Variants in C17orf113 observed in about 807,000 individuals in gnomAD.
C17orf113 encodes uncharacterized protein C17orf113.
A neutral mutation model predicts 11.6 loss-of-function variants in C17orf113; 5 were observed. The observed-to-expected ratio is 0.43, with a 90% CI of 0.23 to 0.91. The LOEUF (loss-of-function observed/expected upper bound fraction) is 0.91, where lower values mean the gene tolerates loss of function less well. Ranked by LOEUF, C17orf113 falls within the 40% of genes least tolerant of loss-of-function variation. C17orf113 has a pLI of 0.26. For missense variants in C17orf113, 714 were observed against 841.3 expected (o/e 0.85, Z 1.87); for synonymous variants, 327 against 390.6 (o/e 0.84, Z 1.92).
At chr17:42,049,142 G>C (rs1353436654) in intron 1 of C17orf113, among the ~76,000 whole-genome samples, 1 of 151,894 alleles carries the variant, frequency 6.6e-6, no homozygotes. Context: ...CCATCCCCCG[G>C]GTCCTTTGCC....
At chr17:42,048,979 C>G (rs1236238242) in intron 1 of C17orf113, among the ~76,000 whole-genome samples, 1 of 151,966 alleles carries the variant, frequency 6.6e-6, no homozygotes, top group Non-Finnish European at 1.5e-5. Flanking sequence ...TTAGACCCCT[C>G]CACAACCACC....
intron 1 of C17orf113, among the ~76,000 whole-genome samples, chr17:42,047,383 C>G (rs749459744): frequency 6.6e-6 from 1 of 152,012 alleles, no homozygotes; most frequent in Non-Finnish European, 1.5e-5. Flanking sequence ...CCGTGTTGAC[C>G]AGGCTGATCT....
At chr17:42,047,143 T>A (rs2053180765) in intron 1 of C17orf113, among the ~76,000 whole-genome samples, 1 of 151,552 alleles carries the variant, frequency 6.6e-6, no homozygotes, top group Admixed American at 6.6e-5. Context: ...GCCATTCTCC[T>A]GCCTCAGCCT....
chr17:42,047,470 AC>A (rs1165380663), intron 1 of C17orf113, among the ~76,000 whole-genome samples: 1 of 151,298 alleles, frequency 6.6e-6, no homozygotes, highest in Non-Finnish European at 1.5e-5. Flanking sequence ...GCCCAATTAG[AC>A]GATCTGAAGC....
rs2052912649 is a variant in C17orf113, at chr17:42,038,253, T to G, written c.*1452A>C. ...TGCATGATGTGCTGGGATTCCATTT[T>G]ATTGCAAATTAAACTCAAACCCAGG... is the stretch of plus-strand genomic sequence containing the variant. On this transcript the variant is annotated 3_prime_UTR_variant, in exon 3 of 3. Coordinates refer to ENST00000587304, the MANE Select transcript of C17orf113 (RefSeq NM_001358661.2). 5.4e-6 allele frequency: 3 copies of G among 554,362 alleles called. No individual in the cohort carries two copies. Among genetic ancestry groups the G allele is most frequent in the Non-Finnish European group, 9.3e-6 (3 of 321,426 alleles). 34.3% of individuals were successfully genotyped at this position (554,362 alleles called of 1,614,324 possible).
rs1055104 is a variant in C17orf113, at chr17:42,038,499, T to C, written c.*1206A>G. The C allele has an allele frequency of 0.041, 6,751 of 164,948 alleles. 488 individuals carry two copies. The highest frequency in any genetic ancestry group is 0.15 in the African/African-American group (6,356 of 41,618). 10.2% of individuals were successfully genotyped at this position (164,948 alleles called of 1,614,324 possible). A position where few individuals can be genotyped will look rare whatever the true frequency, so the allele number is the denominator to read the frequency against. ...GGGCCTCGACGCCAGTCCTTGGAGG[T>C]GGCAGGTACAGCACTGTGGTTTTGC... On this transcript the variant is annotated 3_prime_UTR_variant, in exon 3 of 3. Coordinates refer to ENST00000587304, the MANE Select transcript of C17orf113 (RefSeq NM_001358661.2).
At position 42,042,910 on chromosome 17, in the gene C17orf113, C is replaced by T; in HGVS notation, c.467G>A (p.Arg156Lys). The T allele has an allele frequency of 4.1e-6, 5 of 1,232,444 alleles. No individual in the cohort carries two copies. The highest frequency in any genetic ancestry group is 5.1e-6 in the Non-Finnish European group (5 of 988,166). The allele number at this position is 1,232,444 out of a possible 1,614,324, so 76.3% of individuals were successfully genotyped here. A position where few individuals can be genotyped will look rare whatever the true frequency, so the allele number is the denominator to read the frequency against. The stretch of plus-strand genomic sequence containing the variant: ...CAGCAGTGCCTGGCACAGGTTGAAC[C>T]TCTGCAGCTCGAGCAGGGCAGAGCA... ...DRCSALLELQ[R>K]FNLCQALLGT... The change falls in exon 2 of 3, where the codon AGG becomes AAG. Residue 156 changes from arginine to lysine, a missense_variant. Around this residue, in one of 3 missense-constraint regions of C17orf113, gnomAD observed 516 missense variants for 626.6 expected, o/e 0.82. Coordinates refer to ENST00000587304, the MANE Select transcript of C17orf113 (RefSeq NM_001358661.2).
In C17orf113 at chr17:42,039,739, C is replaced by A. The variant is rs1269566565; in HGVS notation, c.1994G>T (p.Trp665Leu). 9.7e-6 allele frequency: 12 copies of A among 1,232,414 alleles called. No individual in the cohort carries two copies. The highest frequency in any genetic ancestry group is 1.1e-5 in the Non-Finnish European group (11 of 988,224). The allele number at this position is 1,232,414 out of a possible 1,614,324, so 76.3% of individuals were successfully genotyped here. A position where few individuals can be genotyped will look rare whatever the true frequency, so the allele number is the denominator to read the frequency against. Reference sequence around the variant, plus strand: ...CTGCGACCCCAGGAAGCCCTCTCCCCACCCACTCTCTAAGAACTCCACAGC... The same window carrying A: ...CTGCGACCCCAGGAAGCCCTCTCCCAACCCACTCTCTAAGAACTCCACAGC... ...GLAVEFLESG[W>L]GEGFLGSQLT is the part of the protein sequence containing the mutation. The change falls in exon 3 of 3, where the codon TGG (tryptophan) becomes TTG (leucine). Residue 665 changes from tryptophan to leucine, a missense_variant. Trp to Leu is a moderately conservative substitution (Grantham distance 61, BLOSUM62 -2). Coordinates refer to ENST00000587304, the MANE Select transcript of C17orf113 (RefSeq NM_001358661.2).
intron 1 of C17orf113, among the ~76,000 whole-genome samples, chr17:42,048,941 C>CA (rs59106537): frequency 3.4e-4 from 49 of 144,852 alleles, no homozygotes; most frequent in African/African-American, 8.2e-4. Context: ...GACTCCATCT[C>CA]AAAAAAAAAA....
intron 2 of C17orf113, 21 bp from the exon 3 acceptor site, chr17:42,041,210 AAGGG>A (rs536411277): frequency 9.3e-5 from 115 of 1,232,540 alleles, no homozygotes; most frequent in Admixed American, 2.5e-4. Flanking sequence ...CAGGGAAAGA[AAGGG>A]AGGGAGGACT....
chr17:42,048,796 C>T (rs79911191), intron 1 of C17orf113, among the ~76,000 whole-genome samples: 4,301 of 152,176 alleles, frequency 0.028, 81 homozygotes, highest in Non-Finnish European at 0.042. Context: ...TTTGCCTGGA[C>T]GAGTGCAGTT....
At chr17:42,046,924 G>GCGAT (rs1246814633) in intron 1 of C17orf113, among the ~76,000 whole-genome samples, 2 of 150,504 alleles carry the variant, frequency 1.3e-5, no homozygotes, top group African/African-American at 4.9e-5. Flanking sequence ...GTGCAGTGGT[G>GCGAT]CGATCTCAGC....
chr17:42,044,616 CAA>C (rs1200170680), intron 1 of C17orf113, among the ~76,000 whole-genome samples: 30 of 118,224 alleles, frequency 2.5e-4, no homozygotes, highest in Admixed American at 2.6e-4. Context: ...AACTCTGTCT[CAA>C]AAAAAAAAAA....
rs1419057762 is a variant in C17orf113, at chr17:42,050,541, GT to G, written c.-188+15del. 1.3e-5 allele frequency: 2 copies of G among 151,854 alleles called. No individual in the cohort carries two copies. The highest frequency in any genetic ancestry group is 4.8e-5 in the African/African-American group (2 of 41,318). 9.4% of individuals were successfully genotyped at this position (151,854 alleles called of 1,614,324 possible). A position where few individuals can be genotyped will look rare whatever the true frequency, so the allele number is the denominator to read the frequency against. ...CAGCCCGGCCTGGCGCCCCCGCCCC[GT>G]CCGCTCGCACTCACGGAGACACAGG... On this transcript the variant is annotated intron_variant, in intron 1 of 2. Coordinates refer to ENST00000587304, the MANE Select transcript of C17orf113 (RefSeq NM_001358661.2). This position sits in a 1 kb window ranked among gnomAD's most constrained non-coding sequence, Gnocchi z 5.6.
Position 42,040,973 on chromosome 17 carries a change from C to T in C17orf113, c.760G>A (p.Asp254Asn). The T allele has an allele frequency of 8.1e-7, 1 of 1,232,282 alleles. No homozygotes were observed. The highest frequency in any genetic ancestry group is 1.5e-5 in the African/African-American group (1 of 64,552). The allele number at this position is 1,232,282 out of a possible 1,614,324, so 76.3% of individuals were successfully genotyped here. Residue 254 changes from aspartate to asparagine, a missense_variant, in exon 3 of 3, where the codon GAC becomes AAC. Physicochemically the swap from Asp to Asn is conservative, Grantham distance 23. This residue lies in a region of C17orf113 where 516 missense variants were observed against 626.6 expected (regional missense o/e 0.82). Coordinates refer to ENST00000587304, the MANE Select transcript of C17orf113 (RefSeq NM_001358661.2). The part of the protein sequence containing the change: ...EGEATAGQLL[D>N]ILQAFGVSAP... ...GATACGCCGAAAGCCTGCAGGATGT[C>T]CAAGAGCTGGCCAGCAGTGGCCTCG... is the stretch of plus-strand genomic sequence containing the variant.
Position 42,038,766 on chromosome 17 carries a change from C to G in C17orf113, c.*939G>C, listed in dbSNP as rs2052927639. 6.6e-6 allele frequency: 1 copy of G among 152,186 alleles called. No individual in the cohort carries two copies. Among genetic ancestry groups the G allele is most frequent in the African/African-American group, 2.4e-5 (1 of 41,416 alleles). 9.4% of individuals were successfully genotyped at this position (152,186 alleles called of 1,614,324 possible). A position where few individuals can be genotyped will look rare whatever the true frequency, so the allele number is the denominator to read the frequency against. ...TTTTATGTCTATATACACAGTTATA[C>G]ACAGAAAAGGCCTGAGGCTGCCTAT... On this transcript the variant is annotated 3_prime_UTR_variant, in exon 3 of 3. Transcript: ENST00000587304.
chr17:42,047,226 G>A lies in C17orf113; in HGVS notation c.-188+3331C>T, dbSNP rs187821786. On this transcript the variant is annotated intron_variant, in intron 1 of 2. Transcript: ENST00000587304. ...TTTTTGTATTTTTAGTAGAGACAGGGTTTCACCATGTTAGCCAGGATGGTC... is the reference window on the plus strand; with the variant it reads ...TTTTTGTATTTTTAGTAGAGACAGGATTTCACCATGTTAGCCAGGATGGTC... Among the ~76,000 whole-genome samples the A allele has an allele frequency of 4.9e-3, 746 of 152,222 alleles. 7 individuals are homozygous for A. The highest frequency in any genetic ancestry group is 8.1e-3 in the Non-Finnish European group (549 of 68,008).
Position 42,040,507 on chromosome 17 carries a change from G to C in C17orf113, c.1226C>G (p.Pro409Arg), listed in dbSNP as rs532294776. The C allele has an allele frequency of 1.0e-4, 127 of 1,232,744 alleles. 2 individuals carry two copies. In the Admixed American group the frequency reaches 1.3e-3, roughly 13 times the overall value. 76.4% of individuals were successfully genotyped at this position (1,232,744 alleles called of 1,614,324 possible). ...GACAAGGGAGAGCTTCTGCACAGAG[G>C]GCAGGGCATCCAGCAGCAGGTGGGT... ...AFTHLLLDAL[P>R]SVQKLSLVLQ... is the part of the protein sequence containing the mutation. The change falls in exon 3 of 3, where the codon CCC becomes CGC. Residue 409 changes from proline to arginine, a missense_variant. This residue lies in a region of C17orf113 where 516 missense variants were observed against 626.6 expected (regional missense o/e 0.82). Transcript: ENST00000587304.
At chr17:42,041,265 G>T in intron 2 of C17orf113, 76 bp from the exon 3 acceptor site, 1 of 1,199,944 alleles carries the variant, frequency 8.3e-7, no homozygotes, top group South Asian at 4.3e-5. Flanking sequence ...GGCAGTGCGG[G>T]GTGGTGGAAA....
Sources: gnomAD v4.1 joint callset for allele counts (sites outside exome capture counted in the v4.1 genomes callset) on GRCh38, gnomAD v4.1.1 for gene constraint, gnomAD v4.1.1 regional missense constraint, Gnocchi (gnomAD v3.1) non-coding constraint, MANE v1.5 for transcripts, NCBI Gene and HGNC (gene_info 2026-07-23, HGNC 2026-07-21) for gene names.